RIN2: variants seen among roughly 807,000 people sequenced by gnomAD.
RIN2 encodes the protein RAB5 interacting protein 2.
Under a neutral mutation model 78.0 loss-of-function variants are expected in RIN2, and 36 were observed. That is an observed-to-expected ratio of 0.46 (90% confidence interval 0.35 to 0.61). RIN2 has a LOEUF of 0.61. Ranked by LOEUF, RIN2 falls within the 20% of genes least tolerant of loss-of-function variation. The probability of loss-of-function intolerance (pLI) is 0.00; values close to 1 mark genes in which losing one functional copy is unlikely to be tolerated. For synonymous variants in RIN2, 466 were observed against 466.8 expected, an observed-to-expected ratio of 1.00 and a Z score of 0.02; for missense variants, 1,087 against 1,159.7, an observed-to-expected ratio of 0.94 and a Z score of 0.91.
At chr20:19,925,806 G>A (rs1234294678) in intron 3 of RIN2, among the ~76,000 whole-genome samples, 3 of 152,194 alleles carry the variant, frequency 2.0e-5, no homozygotes, top group Non-Finnish European at 4.4e-5. Flanking sequence ...AGCCACCCGG[G>A]GAGCAATGTG....
chr20:19,902,015 CAAAAAAA>C lies in RIN2; in HGVS notation c.57+12378_57+12384del, dbSNP rs55949901. On this transcript the variant is annotated intron_variant, in intron 3 of 12. Coordinates refer to ENST00000255006, the MANE Select transcript of RIN2 (RefSeq NM_018993.4). Reference sequence around the variant, plus strand: ...TGGGCGACAGAACGAGACTCTGTCTCAAAAAAAAAAAAAAAAAAAAAAAAAAATTGAG... The same window carrying C: ...TGGGCGACAGAACGAGACTCTGTCTCAAAAAAAAAAAAAAAAAAAATTGAG... Among the ~76,000 whole-genome samples the C allele has an allele frequency of 8.9e-3, 897 of 100,668 alleles. 15 individuals are homozygous for C. Among genetic ancestry groups the C allele is most frequent in the African/African-American group, 0.033 (854 of 25,876 alleles). 66.0% of individuals were successfully genotyped at this position (100,668 alleles called of 152,430 possible). A position where few individuals can be genotyped will look rare whatever the true frequency, so the allele number is the denominator to read the frequency against.
intron 10 of RIN2, among the ~76,000 whole-genome samples, chr20:19,991,109 G>T (rs2146391183): frequency 6.6e-6 from 1 of 152,316 alleles, no homozygotes; most frequent in East Asian, 1.9e-4. Context: ...GCTTAATGGA[G>T]AAGCAGCAGA....
chr20:19,837,476 A>G (rs1345305004), intron 2 of RIN2, among the ~76,000 whole-genome samples: 2 of 152,160 alleles, frequency 1.3e-5, no homozygotes, highest in Non-Finnish European at 2.9e-5. Context: ...GTTACTAGGA[A>G]GTTTCAACAT....
chr20:19,989,719 A>T (rs1182153462), intron 9 of RIN2, among the ~76,000 whole-genome samples: 1 of 152,268 alleles, frequency 6.6e-6, no homozygotes, highest in Non-Finnish European at 1.5e-5. Context: ...GCCTGTACTT[A>T]CAGGGATAGG....
chr20:19,763,398 A>AATAC (rs1331699889), intron 1 of RIN2, among the ~76,000 whole-genome samples: 4 of 152,078 alleles, frequency 2.6e-5, no homozygotes, highest in African/African-American at 9.7e-5. Context: ...TAAATAAATA[A>AATAC]ATAAATAAAT....
intron 9 of RIN2, among the ~76,000 whole-genome samples, chr20:19,981,918 C>T (rs1296528129): frequency 2.0e-5 from 3 of 152,318 alleles, no homozygotes; most frequent in Admixed American, 6.5e-5. Flanking sequence ...GTGATTTCAT[C>T]GCTAGAGTTA....
chr20:19,983,928 G>C (rs1037991647), intron 9 of RIN2, among the ~76,000 whole-genome samples: 6 of 151,818 alleles, frequency 4.0e-5, no homozygotes, highest in Admixed American at 3.9e-4. Flanking sequence ...TGTGTGCAAC[G>C]TGCAGGTTTT....
chr20:19,889,027 A>G (rs1002531749), intron 2 of RIN2: 6 of 636,946 alleles, frequency 9.4e-6, no homozygotes, highest in African/African-American at 8.0e-5. Context: ...AAACAGTGAC[A>G]GGATTTTATC....
chr20:19,986,520 C>G (rs1349195229), intron 9 of RIN2, among the ~76,000 whole-genome samples: 1 of 152,216 alleles, frequency 6.6e-6, no homozygotes. Flanking sequence ...TAAGAGATTT[C>G]CACAGCCCCT....
chr20:19,991,075 C>A (rs564979108), intron 10 of RIN2, among the ~76,000 whole-genome samples: 2 of 152,128 alleles, frequency 1.3e-5, no homozygotes, highest in Non-Finnish European at 2.9e-5. Context: ...AAGACGATTA[C>A]GAACTTTTCT....
At chr20:19,886,733 T>C in intron 2 of RIN2, 1 of 1,549,500 alleles carries the variant, frequency 6.5e-7, no homozygotes, top group Non-Finnish European at 8.7e-7. Flanking sequence ...AAGAACAAGC[T>C]TCCAACCGGT....
chr20:19,965,756 C>A (rs1009631463), intron 7 of RIN2, among the ~76,000 whole-genome samples: 4 of 152,170 alleles, frequency 2.6e-5, no homozygotes, highest in Middle Eastern at 3.4e-3. Context: ...AGATTACAGG[C>A]GCCTACCACT....
rs1017075788 is a variant in RIN2, at chr20:19,960,652, A to G, written c.352-48A>G. 1.2e-5 allele frequency: 16 copies of G among 1,385,070 alleles called. No homozygotes were observed. The East Asian group carries it at 4.0e-4, about 34-fold the overall frequency. 85.8% of individuals were successfully genotyped at this position (1,385,070 alleles called of 1,614,324 possible). On this transcript the variant is annotated intron_variant, in intron 5 of 12. Coordinates refer to ENST00000255006, the MANE Select transcript of RIN2 (RefSeq NM_018993.4). ...GAGGGAAACCAGATGCTTGGGTTCCAACATTCTAGATATTTCCTAAAGCTT... is the reference window on the plus strand; with the variant it reads ...GAGGGAAACCAGATGCTTGGGTTCCGACATTCTAGATATTTCCTAAAGCTT...
At chr20:19,947,983 C>A (rs567855318) in intron 4 of RIN2, among the ~76,000 whole-genome samples, 34 of 152,358 alleles carry the variant, frequency 2.2e-4, no homozygotes, top group Non-Finnish European at 3.4e-4. Flanking sequence ...AACTGAGATA[C>A]AAGCCGAAAG....
intron 3 of RIN2, among the ~76,000 whole-genome samples, chr20:19,906,559 A>G (rs1027057563): frequency 2.0e-5 from 3 of 152,192 alleles, no homozygotes; most frequent in Admixed American, 6.5e-5. Context: ...GCCAAAGTTG[A>G]TAAATGGCAA....
At chr20:19,846,213 T>C (rs1313788560) in intron 2 of RIN2, among the ~76,000 whole-genome samples, 1 of 152,218 alleles carries the variant, frequency 6.6e-6, no homozygotes, top group Non-Finnish European at 1.5e-5. Flanking sequence ...CTATACGGGC[T>C]CTTTTTTGGT....
At chr20:19,967,358 T>C (rs115519106) in intron 7 of RIN2, among the ~76,000 whole-genome samples, 133 of 152,366 alleles carry the variant, frequency 8.7e-4, no homozygotes, top group African/African-American at 3.0e-3. Context: ...TGTTTCTCTT[T>C]CTATGCTACT....
At chr20:19,845,498 T>C (rs2036751447) in intron 2 of RIN2, among the ~76,000 whole-genome samples, 1 of 152,222 alleles carries the variant, frequency 6.6e-6, no homozygotes, top group South Asian at 2.1e-4. Flanking sequence ...TGATGAGCTT[T>C]TTTTTCATAT....
chr20:19,790,032 A>C (rs2034839475), intron 1 of RIN2, among the ~76,000 whole-genome samples: 1 of 152,072 alleles, frequency 6.6e-6, no homozygotes, highest in Non-Finnish European at 1.5e-5. Flanking sequence ...ACGGGCCCTA[A>C]TTTTATCACG....
Sources: gnomAD v4.1 joint callset for allele counts (sites outside exome capture counted in the v4.1 genomes callset) on GRCh38, gnomAD v4.1.1 for gene constraint, MANE v1.5 for transcripts, NCBI Gene and HGNC (gene_info 2026-07-23, HGNC 2026-07-21) for gene names.